Variants in CTNNA2 observed in about 807,000 individuals in gnomAD.
The protein encoded by CTNNA2 is catenin alpha-2.
In CTNNA2, 42 loss-of-function variants were observed where a neutral mutation model predicts 101.0. The observed-to-expected ratio is 0.42, with a 90% CI of 0.32 to 0.54. CTNNA2 has a LOEUF of 0.54. Ranked by LOEUF, CTNNA2 falls within the 20% of genes least tolerant of loss-of-function variation. The pLI is 0.14. For missense variants in CTNNA2, 871 were observed against 1,223.1 expected, an observed-to-expected ratio of 0.71 and a Z score of 4.29; for synonymous variants, 450 against 456.4, an observed-to-expected ratio of 0.99 and a Z score of 0.18.
At chr2:80,104,678 T>C (rs1460352367) in intron 7 of CTNNA2, among the ~76,000 whole-genome samples, 2 of 152,248 alleles carry the variant, frequency 1.3e-5, no homozygotes, top group African/African-American at 2.4e-5. Flanking sequence ...AGATATGATG[T>C]TGGTATGCAA....
chr2:80,299,717 A>T lies in CTNNA2; in HGVS notation c.1057-93494A>T, dbSNP rs1174174156. 3.3e-5 allele frequency: 5 copies of T among 152,332 alleles called. No homozygotes were observed. The East Asian group carries it at 9.6e-4, about 29-fold the overall frequency. 9.4% of individuals were successfully genotyped at this position (152,332 alleles called of 1,614,324 possible). A position where few individuals can be genotyped will look rare whatever the true frequency, so the allele number is the denominator to read the frequency against. ...TTGAAACAAGAAGAGTGAAAGATAA[A>T]AATGTCTTGGGGATAGGAGATAAAC... On this transcript the variant is annotated intron_variant, in intron 7 of 18. Coordinates refer to ENST00000402739, the MANE Select transcript of CTNNA2 (RefSeq NM_001282597.3).
intron 2 of CTNNA2, among the ~76,000 whole-genome samples, chr2:79,232,659 A>G (rs1007514774): frequency 2.6e-5 from 4 of 152,166 alleles, no homozygotes; most frequent in Admixed American, 6.5e-5. Context: ...CTGTAAATCC[A>G]TCTAGTTTAG....
intron 6 of CTNNA2, among the ~76,000 whole-genome samples, chr2:79,887,315 A>G (rs896533741): frequency 7.9e-5 from 12 of 152,184 alleles, no homozygotes; most frequent in Non-Finnish European, 1.6e-4. Flanking sequence ...AGGTCATGAG[A>G]ATTGTACTTT....
intron 9 of CTNNA2, among the ~76,000 whole-genome samples, chr2:80,522,056 C>A (rs2149575529): frequency 6.6e-6 from 1 of 152,254 alleles, no homozygotes; most frequent in South Asian, 2.1e-4. Context: ...GTTATCTGTC[C>A]ATATTTCTTT....
chr2:79,727,651 T>A (rs958798017), intron 2 of CTNNA2, among the ~76,000 whole-genome samples: 4 of 151,792 alleles, frequency 2.6e-5, no homozygotes, highest in African/African-American at 9.7e-5. Flanking sequence ...TATGTATACA[T>A]GTGCCATGCT....
intron 1 of CTNNA2, among the ~76,000 whole-genome samples, chr2:79,598,356 G>A (rs568704467): frequency 7.2e-5 from 11 of 152,336 alleles, no homozygotes; most frequent in African/African-American, 2.6e-4. Context: ...TGTATGGTAA[G>A]AGTATGTTTA....
intron 1 of CTNNA2, among the ~76,000 whole-genome samples, chr2:79,578,857 T>A (rs1420150384): frequency 6.6e-6 from 1 of 152,100 alleles, no homozygotes; most frequent in Non-Finnish European, 1.5e-5. Flanking sequence ...TCTTTTTGTG[T>A]CTTAAATGTG....
intron 3 of CTNNA2, among the ~76,000 whole-genome samples, chr2:79,762,862 C>G (rs1573905368): frequency 6.6e-6 from 1 of 152,120 alleles, no homozygotes; most frequent in African/African-American, 2.4e-5. Flanking sequence ...ATATCTCATG[C>G]ATTTACACAA....
chr2:79,781,686 T>A (rs950637637), intron 3 of CTNNA2, among the ~76,000 whole-genome samples: 3 of 152,172 alleles, frequency 2.0e-5, no homozygotes, highest in Non-Finnish European at 4.4e-5. Context: ...AATAATAAAA[T>A]GTAGCAGCTT....
chr2:79,297,747 T>C (rs1676015486), intron 2 of CTNNA2, among the ~76,000 whole-genome samples: 1 of 150,440 alleles, frequency 6.6e-6, no homozygotes, highest in Non-Finnish European at 1.5e-5. Flanking sequence ...TCATTCCTTC[T>C]ATCTATTTAT....
intron 9 of CTNNA2, among the ~76,000 whole-genome samples, chr2:80,426,243 G>T (rs1362843512): frequency 2.0e-5 from 3 of 152,130 alleles, no homozygotes; most frequent in Non-Finnish European, 4.4e-5. Context: ...ACAAATTATG[G>T]CAACTCAGCA....
chr2:80,226,299 G>A (rs181515495), intron 7 of CTNNA2, among the ~76,000 whole-genome samples: 5 of 152,322 alleles, frequency 3.3e-5, no homozygotes, highest in South Asian at 4.1e-4. Context: ...AAGGGATAAA[G>A]GCATGGTTTT....
intron 13 of CTNNA2, chr2:80,575,306 A>C (rs1694942459): frequency 6.6e-6 from 1 of 152,168 alleles, no homozygotes; most frequent in South Asian, 2.1e-4. Context: ...AAAAAGATGA[A>C]ATTAATTATA....
intron 7 of CTNNA2, among the ~76,000 whole-genome samples, chr2:79,937,994 A>C (rs2104446819): frequency 6.6e-6 from 1 of 152,298 alleles, no homozygotes; most frequent in African/African-American, 2.4e-5. Flanking sequence ...CATGTTTTTT[A>C]AACTCTATGT....
chr2:79,906,234 C>T (rs182957175), intron 6 of CTNNA2, among the ~76,000 whole-genome samples: 9 of 152,050 alleles, frequency 5.9e-5, no homozygotes, highest in Non-Finnish European at 1.2e-4. Flanking sequence ...TATCTTGCCC[C>T]ATACACACAT....
chr2:79,743,210 C>T (rs930081240), intron 2 of CTNNA2, among the ~76,000 whole-genome samples: 1 of 151,952 alleles, frequency 6.6e-6, no homozygotes, highest in African/African-American at 2.4e-5. Context: ...TGACTGGCAA[C>T]TTTTGTTGAA....
intron 6 of CTNNA2, among the ~76,000 whole-genome samples, chr2:79,890,331 C>T (rs893246490): frequency 1.3e-5 from 2 of 152,168 alleles, no homozygotes; most frequent in African/African-American, 4.8e-5. Context: ...GCCAAATAAT[C>T]ATGCAATCTA....
intron 2 of CTNNA2, among the ~76,000 whole-genome samples, chr2:79,234,922 G>C (rs1674537729): frequency 6.6e-6 from 1 of 152,118 alleles, no homozygotes; most frequent in South Asian, 2.1e-4. Flanking sequence ...TCATCTTTCA[G>C]CTCCTGGATT....
chr2:80,637,499 G>T (rs561800804), intron 18 of CTNNA2, among the ~76,000 whole-genome samples: 62 of 152,004 alleles, frequency 4.1e-4, no homozygotes, highest in African/African-American at 1.4e-3. Flanking sequence ...AGGAGAGGAA[G>T]AAAGAGGTGG....
Sources: gnomAD v4.1 joint callset for allele counts (sites outside exome capture counted in the v4.1 genomes callset) on GRCh38, gnomAD v4.1.1 for gene constraint, MANE v1.5 for transcripts, NCBI Gene and HGNC (gene_info 2026-07-23, HGNC 2026-07-21) for gene names.